Variants in DLG2 observed in about 807,000 individuals in gnomAD.
DLG2 encodes the protein discs large MAGUK scaffold protein 2.
DLG2 carries 45 observed loss-of-function variants against 132.5 expected under a neutral mutation model. That is an observed-to-expected ratio of 0.34 (90% CI 0.27 to 0.44). The LOEUF (loss-of-function observed/expected upper bound fraction) is 0.44. DLG2 is among the 20% of genes least tolerant of loss of function. The pLI, the probability that DLG2 is intolerant of heterozygous loss-of-function variation, is 1.00. For synonymous variants in DLG2, 424 were observed against 419.6 expected (o/e 1.01, Z -0.13); for missense variants, 1,045 against 1,196.9 (o/e 0.87, Z 1.87).
intron 12 of DLG2, among the ~76,000 whole-genome samples, chr11:83,977,548 G>A (rs1333035689): frequency 1.3e-5 from 2 of 152,054 alleles, no homozygotes; most frequent in Non-Finnish European, 1.5e-5. Flanking sequence ...TTTTAGGCAG[G>A]AGGAAAAACA....
chr11:84,358,316 G>A (rs763360079), intron 7 of DLG2, among the ~76,000 whole-genome samples: 4 of 151,052 alleles, frequency 2.6e-5, no homozygotes, highest in African/African-American at 4.9e-5. Flanking sequence ...CTCAGTAAGG[G>A]CACCTGTTCT....
At chr11:83,511,085 C>G (rs936085294) in intron 21 of DLG2, among the ~76,000 whole-genome samples, 1 of 136,508 alleles carries the variant, frequency 7.3e-6, no homozygotes. Flanking sequence ...CACACACACA[C>G]AGACACACAC....
intron 6 of DLG2, among the ~76,000 whole-genome samples, chr11:84,609,374 T>C (rs1457828631): frequency 6.6e-6 from 1 of 152,180 alleles, no homozygotes; most frequent in Non-Finnish European, 1.5e-5. Flanking sequence ...TCAATAGTTG[T>C]TAAGTGTTAT....
chr11:83,607,408 T>C (rs2059504201), intron 19 of DLG2, among the ~76,000 whole-genome samples: 1 of 152,214 alleles, frequency 6.6e-6, no homozygotes, highest in East Asian at 1.9e-4. Context: ...ATATTGTCTA[T>C]GGGCACTATG....
intron 19 of DLG2, among the ~76,000 whole-genome samples, chr11:83,603,343 T>C (rs1247098594): frequency 3.3e-5 from 5 of 152,066 alleles, no homozygotes; most frequent in African/African-American, 1.2e-4. Flanking sequence ...TTTTGGCCCA[T>C]CCATGTTGAT....
At chr11:85,191,212 A>T (rs1220984417) in intron 4 of DLG2, among the ~76,000 whole-genome samples, 2 of 145,448 alleles carry the variant, frequency 1.4e-5, no homozygotes, top group East Asian at 4.1e-4. Context: ...ACACGTTTGG[A>T]TATATTCCCA....
At chr11:83,900,117 G>C (rs1443331232) in intron 15 of DLG2, among the ~76,000 whole-genome samples, 1 of 152,180 alleles carries the variant, frequency 6.6e-6, no homozygotes, top group African/African-American at 2.4e-5. Flanking sequence ...CTTTGAACTT[G>C]AGAGAGATGA....
At chr11:83,880,398 C>T (rs1311323736) in intron 15 of DLG2, among the ~76,000 whole-genome samples, 2 of 152,112 alleles carry the variant, frequency 1.3e-5, no homozygotes, top group Non-Finnish European at 2.9e-5. Context: ...GTATTTAATA[C>T]ATTTAGAGGT....
chr11:85,315,145 A>G (rs1167448658), intron 3 of DLG2, among the ~76,000 whole-genome samples: 1 of 152,008 alleles, frequency 6.6e-6, no homozygotes, highest in Non-Finnish European at 1.5e-5. Context: ...ATAGTTAAGG[A>G]ATTAAGTAAC....
intron 2 of DLG2, among the ~76,000 whole-genome samples, chr11:85,603,557 A>T (rs1387319937): frequency 1.3e-5 from 2 of 151,542 alleles, no homozygotes; most frequent in Non-Finnish European, 2.9e-5. Context: ...ATTATAACTA[A>T]AGCCTTTTTT....
chr11:84,250,302 G>C (rs2097355037), intron 8 of DLG2, among the ~76,000 whole-genome samples: 1 of 152,118 alleles, frequency 6.6e-6, no homozygotes, highest in Admixed American at 6.5e-5. Context: ...TTGTTTCTGT[G>C]ATTTGCTTGG....
intron 19 of DLG2, among the ~76,000 whole-genome samples, chr11:83,561,359 G>A (rs934206236): frequency 6.6e-6 from 1 of 152,226 alleles, no homozygotes; most frequent in Admixed American, 6.5e-5. Flanking sequence ...GACTCAGAGG[G>A]GTTAGTGGTG....
intron 6 of DLG2, among the ~76,000 whole-genome samples, chr11:84,668,528 G>A (rs749718060): frequency 1.3e-5 from 2 of 152,124 alleles, no homozygotes; most frequent in East Asian, 1.9e-4. Flanking sequence ...AACGGTTTAA[G>A]TACTCATTAT....
intron 19 of DLG2, among the ~76,000 whole-genome samples, chr11:83,576,710 A>G (rs2096879337): frequency 6.6e-6 from 1 of 152,180 alleles, no homozygotes; most frequent in Admixed American, 6.5e-5. Context: ...AAGGCAAAAT[A>G]AAGACTTTTT....
chr11:84,394,228 C>A (rs1335406356), intron 7 of DLG2, among the ~76,000 whole-genome samples: 4 of 152,002 alleles, frequency 2.6e-5, no homozygotes, highest in Non-Finnish European at 4.4e-5. Context: ...AATATATGTT[C>A]ATTTAGATTA....
intron 7 of DLG2, among the ~76,000 whole-genome samples, chr11:84,430,050 T>G (rs1031905704): frequency 2.0e-4 from 31 of 152,194 alleles, no homozygotes; most frequent in Non-Finnish European, 2.9e-5. Flanking sequence ...GGTCACAGGC[T>G]GTAGATTCAG....
intron 7 of DLG2, among the ~76,000 whole-genome samples, chr11:84,286,559 G>A (rs376579796): frequency 1.3e-5 from 2 of 152,128 alleles, no homozygotes; most frequent in African/African-American, 4.8e-5. Flanking sequence ...TGGCCAAGCA[G>A]AAAAATCTCA....
chr11:85,578,042 C>G (rs572602444), intron 3 of DLG2, among the ~76,000 whole-genome samples: 1 of 152,032 alleles, frequency 6.6e-6, no homozygotes, highest in Non-Finnish European at 1.5e-5. Context: ...TAAAAACATA[C>G]ACACAGACAA....
chr11:84,806,456 T>C (rs148239355), intron 6 of DLG2, among the ~76,000 whole-genome samples: 192 of 152,246 alleles, frequency 1.3e-3, no homozygotes, highest in African/African-American at 4.2e-3. Context: ...ATTTTACCTA[T>C]AGGGAAAAAT....
Sources: gnomAD v4.1 joint callset for allele counts (sites outside exome capture counted in the v4.1 genomes callset) on GRCh38, gnomAD v4.1.1 for gene constraint, MANE v1.5 for transcripts, NCBI Gene and HGNC (gene_info 2026-07-23, HGNC 2026-07-21) for gene names.